Variants in CACNG8 observed in about 807,000 individuals in gnomAD.
The protein encoded by CACNG8 is calcium voltage-gated channel auxiliary subunit gamma 8.
In CACNG8, 5 loss-of-function variants were observed where a neutral mutation model predicts 26.9. The ratio of observed to expected loss-of-function variants is 0.19; its 90% confidence interval spans 0.10 to 0.39. The LOEUF (loss-of-function observed/expected upper bound fraction) is 0.39, where lower values mean the gene tolerates loss of function less well. Ranked by LOEUF, CACNG8 falls within the 10% of genes least tolerant of loss-of-function variation. The probability of loss-of-function intolerance (pLI) is 1.00; values close to 1 mark genes in which losing one functional copy is unlikely to be tolerated. For missense variants in CACNG8, 473 were observed against 609.4 expected (o/e 0.78, Z 2.36); for synonymous variants, 321 against 296.7 (o/e 1.08, Z -0.84).
intron 3 of CACNG8, among the ~76,000 whole-genome samples, chr19:53,980,980 T>C (rs1256156958): frequency 6.6e-6 from 1 of 151,844 alleles, no homozygotes; most frequent in Non-Finnish European, 1.5e-5. Flanking sequence ...CCGGAGTAGC[T>C]GGACCTGAGA....
chr19:53,976,269 A>G (rs2069329958), intron 1 of CACNG8, among the ~76,000 whole-genome samples: 1 of 152,216 alleles, frequency 6.6e-6, no homozygotes, highest in Non-Finnish European at 1.5e-5. Context: ...CAGGAGGACC[A>G]CTTGAGCCCA....
Position 53,966,084 on chromosome 19 carries a change from TTTA to T in CACNG8, c.283+2662_283+2664del, listed in dbSNP as rs1568795885. 1.3e-3 allele frequency among the ~76,000 whole-genome samples: 197 copies of T among 151,810 alleles called. 2 individuals carry two copies. The highest frequency in any genetic ancestry group is 4.5e-3 in the African/African-American group (186 of 41,344). ...CACAGGTTCTGTTTTTTAAAAATTA[TTTA>T]TTTATTTATTTATTTATTGAAACAG... is the stretch of plus-strand genomic sequence containing the variant. On this transcript the variant is annotated intron_variant, in intron 1 of 3. Coordinates refer to ENST00000270458, the MANE Select transcript of CACNG8 (RefSeq NM_031895.6).
rs1227626042 is a variant in CACNG8, at chr19:53,987,229, G to A, written c.*4380G>A. On this transcript the variant is annotated 3_prime_UTR_variant, in exon 4 of 4. Coordinates refer to ENST00000270458, the MANE Select transcript of CACNG8 (RefSeq NM_031895.6). ...ATTACAGGCATGTGCCACCACGCCT[G>A]GCTAATTTTTTTGTATTTTTAGTAA... 1 of 152,066 alleles carries A rather than the reference G, an allele frequency of 6.6e-6. No homozygotes were observed. The highest frequency in any genetic ancestry group is 2.4e-5 in the African/African-American group (1 of 41,410). The allele number at this position is 152,066 out of a possible 1,614,324, so 9.4% of individuals were successfully genotyped here.
At chr19:53,964,925 C>T (rs909977402) in intron 1 of CACNG8, among the ~76,000 whole-genome samples, 23 of 152,178 alleles carry the variant, frequency 1.5e-4, no homozygotes, top group Non-Finnish European at 1.8e-4. Context: ...AGATTGAAAT[C>T]TCTTGCTTCT....
chr19:53,982,511 T>A lies in CACNG8; in HGVS notation c.940T>A (p.Ser314Thr). 4 of 1,398,692 alleles carry A rather than the reference T, an allele frequency of 2.9e-6. No individual in the cohort carries two copies. Among genetic ancestry groups the A allele is most frequent in the Non-Finnish European group, 3.7e-6 (4 of 1,082,528 alleles). The allele number at this position is 1,398,692 out of a possible 1,614,324, so 86.6% of individuals were successfully genotyped here. Residue 314 changes from serine (S) to threonine (T), a missense_variant, in exon 4 of 4, where the codon TCC becomes ACC. Coordinates refer to ENST00000270458, the MANE Select transcript of CACNG8 (RefSeq NM_031895.6). The surrounding 1 kb of genome is among the most constrained non-coding windows in gnomAD (Gnocchi z 8.4). ...CATGTACACGCTCAGCCGCGACCCC[T>A]CCAAGGGCAGCGTGGCCGCGGGGCT...
At chr19:53,970,092 G>A (rs1205047571) in intron 1 of CACNG8, among the ~76,000 whole-genome samples, 8 of 152,148 alleles carry the variant, frequency 5.3e-5, no homozygotes, top group South Asian at 2.1e-4. Flanking sequence ...CGAGGCGGGC[G>A]GATCACGAGG....
At position 53,963,285 on chromosome 19, in the gene CACNG8, G is replaced by C. The variant is rs763107632; in HGVS notation, c.143G>C (p.Arg48Pro). 6.2e-7 allele frequency: 1 copy of C among 1,609,080 alleles called. No individual in the cohort carries two copies. The highest frequency in any genetic ancestry group is 8.5e-7 in the Non-Finnish European group (1 of 1,179,240). ...AGCACTGACTACTGGCTCTACACGC[G>C]CGCCCTCATCTGCAACACCACCAAC... Residue 48 changes from arginine to proline, a missense_variant, in exon 1 of 4, where the codon CGC becomes CCC. This residue lies in a region of CACNG8 where 69 missense variants were observed against 66.7 expected (regional missense o/e 1.03). Transcript: ENST00000270458.
chr19:53,972,812 G>A (rs562100928), intron 1 of CACNG8, among the ~76,000 whole-genome samples: 1 of 152,268 alleles, frequency 6.6e-6, no homozygotes, highest in South Asian at 2.1e-4. Context: ...TGTGTCCAGA[G>A]AGTTGGATTC....
At position 53,985,937 on chromosome 19, in the gene CACNG8, C is replaced by CGA. The variant is rs35381014; in HGVS notation, c.*3111_*3112dup. The CGA allele has an allele frequency of 0.011, 1,551 of 146,442 alleles. 22 individuals carry two copies. The highest frequency in any genetic ancestry group is 0.032 in the African/African-American group (1,238 of 39,208). 9.1% of individuals were successfully genotyped at this position (146,442 alleles called of 1,614,324 possible). A position where few individuals can be genotyped will look rare whatever the true frequency, so the allele number is the denominator to read the frequency against. On this transcript the variant is annotated 3_prime_UTR_variant, in exon 4 of 4. Coordinates refer to ENST00000270458, the MANE Select transcript of CACNG8 (RefSeq NM_031895.6). ...TCTAGAGTCTGAAGGCCAAACAGAA[C>CGA]GAGAGAGAGAGAGAGAGAGAGAGAA...
chr19:53,980,696 C>T (rs568733039), intron 3 of CACNG8, among the ~76,000 whole-genome samples: 7 of 152,240 alleles, frequency 4.6e-5, no homozygotes, highest in Admixed American at 2.0e-4. Context: ...AGCAAGAGGC[C>T]GACCAAAGCC....
At position 53,982,298 on chromosome 19, in the gene CACNG8, C is replaced by G. The variant is rs377228806; in HGVS notation, c.727C>G (p.Leu243Val). 1.6e-4 allele frequency: 259 copies of G among 1,606,468 alleles called. No individual in the cohort carries two copies. The highest frequency in any genetic ancestry group is 2.2e-4 in the Non-Finnish European group (255 of 1,177,262). The change falls in exon 4 of 4, where the codon CTC (leucine) becomes GTC (valine). Residue 243 changes from leucine (L) to valine (V), a missense_variant. Leu to Val is a conservative substitution (Grantham distance 32). Around this residue, in one of 6 missense-constraint regions of CACNG8, gnomAD observed 155 missense variants for 253.0 expected, o/e 0.61. Transcript: ENST00000270458. This position sits in a 1 kb window ranked among gnomAD's most constrained non-coding sequence, Gnocchi z 8.4. ...GCACTGCCAGTCTCGCTCGGACCTG[C>G]TCAAGGCCGGCGGGGGCGCGGGCGG...
chr19:53,964,498 C>T (rs2145931746), intron 1 of CACNG8, among the ~76,000 whole-genome samples: 1 of 152,198 alleles, frequency 6.6e-6, no homozygotes, highest in East Asian at 1.9e-4. Context: ...CCTCTTCCTC[C>T]ACTCATGCCT....
At position 53,989,138 on chromosome 19, in the gene CACNG8, A is replaced by G. The variant is rs1019876217; in HGVS notation, c.*6289A>G. On this transcript the variant is annotated 3_prime_UTR_variant, in exon 4 of 4. Coordinates refer to ENST00000270458, the MANE Select transcript of CACNG8 (RefSeq NM_031895.6). ...AAAATGAGCTGTGGCGTGGTGGCTC[A>G]CGCCTGTAGTCCTAGATACTCGGGA... is the stretch of plus-strand genomic sequence containing the variant. 1 of 152,242 alleles carries G rather than the reference A, an allele frequency of 6.6e-6. No homozygotes were observed. Among genetic ancestry groups the G allele is most frequent in the Admixed American group, 6.6e-5 (1 of 15,262 alleles). The allele number at this position is 152,242 out of a possible 1,614,324, so 9.4% of individuals were successfully genotyped here.
intron 1 of CACNG8, among the ~76,000 whole-genome samples, chr19:53,967,795 A>T (rs983457693): frequency 4.6e-5 from 7 of 152,184 alleles, no homozygotes; most frequent in African/African-American, 1.7e-4. Flanking sequence ...AGATCGCATC[A>T]CTGCACTCTA....
chr19:53,971,451 C>T (rs2069302134), intron 1 of CACNG8, among the ~76,000 whole-genome samples: 1 of 151,972 alleles, frequency 6.6e-6, no homozygotes, highest in Non-Finnish European at 1.5e-5. Context: ...CTCCCTTTTT[C>T]CCCATCCTGA....
intron 1 of CACNG8, among the ~76,000 whole-genome samples, chr19:53,968,768 CAAAAA>C (rs34461203): frequency 2.0e-5 from 1 of 50,302 alleles, no homozygotes; most frequent in African/African-American, 9.5e-5. Flanking sequence ...GACTCTATCT[CAAAAA>C]AAAAAAAAAA....
At position 53,963,336 on chromosome 19, in the gene CACNG8, C is replaced by T. The variant is rs776350647; in HGVS notation, c.194C>T (p.Thr65Ile). 3.8e-6 allele frequency: 6 copies of T among 1,598,848 alleles called. No homozygotes were observed. In the East Asian group the frequency reaches 1.1e-4, roughly 30 times the overall value. ...CTCACGGCCGGCGGCGACGACGGGA[C>T]CCCCCACCGCGGGGGCGGCGGCGCC... Residue 65 changes from threonine to isoleucine, a missense_variant, in exon 1 of 4, where the codon ACC becomes ATC. Transcript: ENST00000270458.
chr19:53,977,907 T>TA (rs1394391770), intron 1 of CACNG8, among the ~76,000 whole-genome samples: 1 of 152,174 alleles, frequency 6.6e-6, no homozygotes, highest in Non-Finnish European at 1.5e-5. Context: ...GCAAGGATGT[T>TA]AGACTTTGGG....
rs911471696 is a variant in CACNG8, at chr19:53,988,018, A to G, written c.*5169A>G. On this transcript the variant is annotated 3_prime_UTR_variant, in exon 4 of 4. Coordinates refer to ENST00000270458, the MANE Select transcript of CACNG8 (RefSeq NM_031895.6). ...AGTGATCTCGAGGTAGGCTGAAACC[A>G]GGAGGGTTACAGAGGGCAAATGCAC... 6.6e-6 allele frequency: 1 copy of G among 151,132 alleles called. No individual in the cohort carries two copies. Among genetic ancestry groups the G allele is most frequent in the Non-Finnish European group, 1.5e-5 (1 of 67,882 alleles). 9.4% of individuals were successfully genotyped at this position (151,132 alleles called of 1,614,324 possible).
Sources: gnomAD v4.1 joint callset for allele counts (sites outside exome capture counted in the v4.1 genomes callset) on GRCh38, gnomAD v4.1.1 for gene constraint, gnomAD v4.1.1 regional missense constraint, Gnocchi (gnomAD v3.1) non-coding constraint, MANE v1.5 for transcripts, NCBI Gene and HGNC (gene_info 2026-07-23, HGNC 2026-07-21) for gene names.